The following MAP3K14 variants were observed in gnomAD, a reference collection of about 807,000 sequenced individuals.
The protein encoded by MAP3K14 is mitogen-activated protein kinase kinase kinase 14, also known as NF-kappa-beta-inducing kinase.
A neutral mutation model predicts 99.2 loss-of-function variants in MAP3K14; 16 were observed. The ratio of observed to expected loss-of-function variants is 0.16; its 90% CI spans 0.11 to 0.24. The LOEUF (loss-of-function observed/expected upper bound fraction) is 0.24, where lower values mean the gene tolerates loss of function less well. MAP3K14 is among the 10% of genes least tolerant of loss of function. The pLI, the probability that MAP3K14 is intolerant of heterozygous loss-of-function variation, is 1.00. For missense variants in MAP3K14, 784 were observed against 1,208.7 expected, an observed-to-expected ratio of 0.65 and a Z score of 5.21; for synonymous variants, 462 against 492.4, an observed-to-expected ratio of 0.94 and a Z score of 0.82.
chr17:45,307,048 G>A (rs1325637003), intron 1 of MAP3K14, among the ~76,000 whole-genome samples: 3 of 152,154 alleles, frequency 2.0e-5, no homozygotes, highest in Non-Finnish European at 4.4e-5. Context: ...GCCTGAGGTT[G>A]TGAGATCGAG....
chr17:45,267,718 G>A lies in MAP3K14; in HGVS notation c.2014C>T (p.Pro672Ser), dbSNP rs1443874207. The A allele has an allele frequency of 6.2e-7, 1 of 1,613,428 alleles. No individual in the cohort carries two copies. Among genetic ancestry groups the A allele is most frequent in the South Asian group, 1.1e-5 (1 of 91,090 alleles). Residue 672 changes from proline to serine, a missense_variant, in exon 12 of 16, where the codon CCA (proline) becomes TCA (serine). Around this residue, in one of 5 missense-constraint regions of MAP3K14, gnomAD observed 128 missense variants for 143.3 expected, o/e 0.89. Transcript: ENST00000344686. The surrounding 1 kb of genome is among the most constrained non-coding windows in gnomAD (Gnocchi z 5.1). ...KSPWRGEYKE[P>S]RHPPPNQANY... ...GCTTGATTTGGCGGTGGATGTCTTG[G>A]TTCTTTATATTCTCCCCTCCAAGGG... is the stretch of plus-strand genomic sequence containing the variant.
At position 45,311,291 on chromosome 17, in the gene MAP3K14, C is replaced by T. The variant is rs113775202; in HGVS notation, c.-21+5669G>A. Among the ~76,000 whole-genome samples, 194 of 152,316 alleles carry T rather than the reference C, an allele frequency of 1.3e-3. 1 individual carries two copies. Among genetic ancestry groups the T allele is most frequent in the African/African-American group, 4.0e-3 (167 of 41,564 alleles). On this transcript the variant is annotated intron_variant, in intron 1 of 15. Transcript: ENST00000344686. Reference sequence around the variant, plus strand: ...GGAGGTGACTACTGGTTGGTCCAGACTGATGGGGTATGGGTACAGGGGCTG... The same window carrying T: ...GGAGGTGACTACTGGTTGGTCCAGATTGATGGGGTATGGGTACAGGGGCTG...
At chr17:45,289,023 G>A (rs1290912965) in intron 3 of MAP3K14, among the ~76,000 whole-genome samples, 1 of 152,214 alleles carries the variant, frequency 6.6e-6, no homozygotes, top group Non-Finnish European at 1.5e-5. Flanking sequence ...GTGGCCCAGA[G>A]GCAGTCAGCC....
At chr17:45,316,122 C>T (rs2044529834) in intron 1 of MAP3K14, among the ~76,000 whole-genome samples, 1 of 152,218 alleles carries the variant, frequency 6.6e-6, no homozygotes, top group African/African-American at 2.4e-5. Flanking sequence ...TGTACCTTTT[C>T]ACCACTTATC....
In MAP3K14 at chr17:45,306,178, C is replaced by T. The variant is rs1266941550; in HGVS notation, c.-21+10782G>A. ...GCAAGGCACTAATGTTATCCGTTTACAAGGAGGAAGAAACTGGGCCTCAGT... is the reference window on the plus strand; with the variant it reads ...GCAAGGCACTAATGTTATCCGTTTATAAGGAGGAAGAAACTGGGCCTCAGT... On this transcript the variant is annotated intron_variant, in intron 1 of 15. Coordinates refer to ENST00000344686, the MANE Select transcript of MAP3K14 (RefSeq NM_003954.5). 5.9e-5 allele frequency among the ~76,000 whole-genome samples: 9 copies of T among 152,242 alleles called. No individual in the cohort carries two copies. In the East Asian group the frequency reaches 1.7e-3, roughly 29 times the overall value.
chr17:45,270,590 G>T (rs2044135089), intron 10 of MAP3K14, 27 bp from the exon 11 acceptor site: 2 of 1,521,882 alleles, frequency 1.3e-6, no homozygotes, highest in Non-Finnish European at 1.8e-6. Context: ...AACAGGTGAG[G>T]CCTGCCTTCC....
chr17:45,300,403 G>C (rs1401972447), intron 1 of MAP3K14, among the ~76,000 whole-genome samples: 3 of 152,194 alleles, frequency 2.0e-5, no homozygotes, highest in Admixed American at 1.3e-4. Context: ...TGCTGGCTCT[G>C]CACTGCTTAT....
intron 5 of MAP3K14, among the ~76,000 whole-genome samples, chr17:45,285,604 C>T (rs561718190): frequency 6.8e-4 from 102 of 149,452 alleles, no homozygotes; most frequent in African/African-American, 2.1e-3. Context: ...CCAGCCTGGG[C>T]GACAGAGTAA....
At chr17:45,270,038 G>A (rs113746633) in intron 11 of MAP3K14, among the ~76,000 whole-genome samples, 2 of 152,152 alleles carry the variant, frequency 1.3e-5, no homozygotes, top group African/African-American at 4.8e-5. Flanking sequence ...GGTAGATAGT[G>A]TTGGAACAGA....
At chr17:45,287,089 A>C in intron 4 of MAP3K14, 44 bp from the exon 5 acceptor site, 1 of 1,603,000 alleles carries the variant, frequency 6.2e-7, no homozygotes, top group Non-Finnish European at 8.5e-7. Flanking sequence ...GCCAGGGCCC[A>C]GGGACAGGCT....
Position 45,271,279 on chromosome 17 carries a change from C to G in MAP3K14, c.1658-58G>C, listed in dbSNP as rs370019844. The G allele has an allele frequency of 5.7e-3, 8,332 of 1,469,842 alleles. 65 individuals carry two copies. Among genetic ancestry groups the G allele is most frequent in the Middle Eastern group, 0.028 (154 of 5,508 alleles). 91.0% of individuals were successfully genotyped at this position (1,469,842 alleles called of 1,614,324 possible). A position where few individuals can be genotyped will look rare whatever the true frequency, so the allele number is the denominator to read the frequency against. ...GAATGCTGATGGGCAGGAGCCTAGG[C>G]AATGGCCACCCTGGTTAATCCTCGG... On this transcript the variant is annotated intron_variant, in intron 9 of 15. Coordinates refer to ENST00000344686, the MANE Select transcript of MAP3K14 (RefSeq NM_003954.5).
chr17:45,277,094 C>T (rs968084249), intron 6 of MAP3K14, among the ~76,000 whole-genome samples: 14 of 152,078 alleles, frequency 9.2e-5, no homozygotes, highest in Non-Finnish European at 1.0e-4. Flanking sequence ...TCCCAAAGTG[C>T]TGGGATTACA....
intron 9 of MAP3K14, among the ~76,000 whole-genome samples, chr17:45,271,577 C>T (rs1384670618): frequency 6.6e-6 from 1 of 152,172 alleles, no homozygotes; most frequent in Non-Finnish European, 1.5e-5. Flanking sequence ...AACTCCTGAC[C>T]TCAGGTGATC....
At position 45,264,726 on chromosome 17, in the gene MAP3K14, C is replaced by T. The variant is rs55750938; in HGVS notation, c.2754G>A (p.Ser918=). ...PVRYDMEVPD[S]GIDLQCTLAP... Reference sequence around the variant, plus strand: ...CCAGTGTGCACTGCAGGTCGATGCCCGAGTCTGGCACCTCCATGTCGTAGC... The same window carrying T: ...CCAGTGTGCACTGCAGGTCGATGCCTGAGTCTGGCACCTCCATGTCGTAGC... Residue 918 remains serine, a synonymous_variant, in exon 16 of 16, where the codon TCG becomes TCA. Coordinates refer to ENST00000344686, the MANE Select transcript of MAP3K14 (RefSeq NM_003954.5). 46 of 1,612,396 alleles carry T rather than the reference C, an allele frequency of 2.9e-5. No individual in the cohort carries two copies. The highest frequency in any genetic ancestry group is 1.7e-4 in the Middle Eastern group (1 of 6,056).
chr17:45,314,252 G>A (rs2044510010), intron 1 of MAP3K14, among the ~76,000 whole-genome samples: 1 of 152,086 alleles, frequency 6.6e-6, no homozygotes, highest in African/African-American at 2.4e-5. Flanking sequence ...TTCCCTTTTT[G>A]GGCTACTACT....
chr17:45,267,507 G>A lies in MAP3K14; in HGVS notation c.2225C>T (p.Pro742Leu), dbSNP rs777450057. Residue 742 changes from proline (P) to leucine (L), a missense_variant, in exon 12 of 16, where the codon CCC (proline) becomes CTC (leucine). Pro to Leu is a moderately conservative substitution (Grantham distance 98). Coordinates refer to ENST00000344686, the MANE Select transcript of MAP3K14 (RefSeq NM_003954.5). This position sits in a 1 kb window ranked among gnomAD's most constrained non-coding sequence, Gnocchi z 5.1. ...LSKEESGMWEPLPLSSLEPAP... is the reference protein window; with the variant it reads ...LSKEESGMWELLPLSSLEPAP... ...TGGCTCCAGGGAGGACAGAGGTAAG[G>A]GTTCCCACATCCCAGACTCCTCCTT... The A allele has an allele frequency of 1.9e-6, 3 of 1,612,952 alleles. No homozygotes were observed. In the African/African-American group the frequency reaches 4.0e-5, roughly 22 times the overall value.
At chr17:45,290,451 C>T in intron 2 of MAP3K14, 39 bp downstream of exon 2, 2 of 1,607,778 alleles carry the variant, frequency 1.2e-6, no homozygotes, top group South Asian at 1.1e-5. Context: ...TGCAGGCCCA[C>T]CCACCTGCCC....
At chr17:45,276,390 G>A (rs1414231698) in intron 6 of MAP3K14, among the ~76,000 whole-genome samples, 1 of 152,198 alleles carries the variant, frequency 6.6e-6, no homozygotes, top group African/African-American at 2.4e-5. Flanking sequence ...CTGCTCCTGG[G>A]TAGAGCAAGG....
intron 1 of MAP3K14, among the ~76,000 whole-genome samples, chr17:45,314,800 G>A (rs569953914): frequency 3.9e-5 from 6 of 152,152 alleles, no homozygotes; most frequent in African/African-American, 1.4e-4. Context: ...GCTCTTCATC[G>A]AGGCAGGCAG....
Sources: gnomAD v4.1 joint callset for allele counts (sites outside exome capture counted in the v4.1 genomes callset) on GRCh38, gnomAD v4.1.1 for gene constraint, gnomAD v4.1.1 regional missense constraint, Gnocchi (gnomAD v3.1) non-coding constraint, MANE v1.5 for transcripts, NCBI Gene and HGNC (gene_info 2026-07-23, HGNC 2026-07-21) for gene names.